The following CTNNA3 variants were observed in gnomAD, a reference collection of about 807,000 sequenced individuals.
CTNNA3 encodes catenin alpha-3.
Under a neutral mutation model 95.7 loss-of-function variants are expected in CTNNA3, and 76 were observed. The ratio of observed to expected loss-of-function variants is 0.79; its 90% CI spans 0.66 to 0.96. CTNNA3 has a LOEUF of 0.96. CTNNA3 is among the 40% of genes least tolerant of loss of function. The pLI, the probability that CTNNA3 is intolerant of heterozygous loss-of-function variation, is 0.00. For missense variants in CTNNA3, 1,191 were observed against 1,089.8 expected, an observed-to-expected ratio of 1.09 and a Z score of -1.31; for synonymous variants, 431 against 374.4, an observed-to-expected ratio of 1.15 and a Z score of -1.74.
chr10:65,940,981 C>T (rs967527751), intron 17 of CTNNA3, among the ~76,000 whole-genome samples: 1 of 152,104 alleles, frequency 6.6e-6, no homozygotes, highest in African/African-American at 2.4e-5. Context: ...CACATTTAAT[C>T]CTGAAAATAA....
At chr10:67,742,521 T>C (rs574593938) in intron 1 of CTNNA3, among the ~76,000 whole-genome samples, 106 of 151,258 alleles carry the variant, frequency 7.0e-4, no homozygotes, top group African/African-American at 2.5e-3. Flanking sequence ...GGGAAATTTA[T>C]AGCACTAAAT....
intron 10 of CTNNA3, among the ~76,000 whole-genome samples, chr10:66,573,531 A>T (rs1017603904): frequency 3.3e-5 from 5 of 152,224 alleles, no homozygotes; most frequent in Non-Finnish European, 7.3e-5. Flanking sequence ...ACTGAAGTTC[A>T]ACAAAATCAT....
At chr10:66,644,154 G>A (rs1017778913) in intron 9 of CTNNA3, among the ~76,000 whole-genome samples, 3 of 151,684 alleles carry the variant, frequency 2.0e-5, no homozygotes, top group Non-Finnish European at 2.9e-5. Flanking sequence ...GCTACTTGGC[G>A]GGGTTAAGGT....
intron 4 of CTNNA3, among the ~76,000 whole-genome samples, chr10:67,532,977 T>A (rs1840379934): frequency 6.6e-6 from 1 of 152,112 alleles, no homozygotes; most frequent in Admixed American, 6.5e-5. Context: ...CCTGACCCAG[T>A]AAGCAGAAGC....
At chr10:66,854,582 T>C (rs1190116306) in intron 7 of CTNNA3, among the ~76,000 whole-genome samples, 2 of 151,856 alleles carry the variant, frequency 1.3e-5, no homozygotes, top group Non-Finnish European at 2.9e-5. Flanking sequence ...ACTGGGAAGA[T>C]CCAGGAGGAA....
chr10:66,432,293 A>G (rs1167770042), intron 11 of CTNNA3, among the ~76,000 whole-genome samples: 1 of 152,180 alleles, frequency 6.6e-6, no homozygotes, highest in Non-Finnish European at 1.5e-5. Context: ...ACATGAAACA[A>G]TACTTTTAGT....
intron 5 of CTNNA3, among the ~76,000 whole-genome samples, chr10:67,380,673 G>C (rs1335666153): frequency 6.6e-6 from 1 of 152,128 alleles, no homozygotes; most frequent in Non-Finnish European, 1.5e-5. Context: ...TGAGTACTAA[G>C]GGCAAATAGG....
chr10:66,077,562 C>T (rs2080592889), intron 14 of CTNNA3, among the ~76,000 whole-genome samples: 1 of 151,728 alleles, frequency 6.6e-6, no homozygotes, highest in Non-Finnish European at 1.5e-5. Context: ...TCATGACCTC[C>T]AGAAGTAATC....
chr10:67,501,928 G>T (rs968879591), intron 5 of CTNNA3, among the ~76,000 whole-genome samples: 1 of 152,048 alleles, frequency 6.6e-6, no homozygotes, highest in Non-Finnish European at 1.5e-5. Context: ...TGCCTCAGAG[G>T]AGTTTGTTAC....
intron 9 of CTNNA3, among the ~76,000 whole-genome samples, chr10:66,638,479 G>A (rs1454768717): frequency 6.6e-6 from 1 of 152,124 alleles, no homozygotes; most frequent in Non-Finnish European, 1.5e-5. Flanking sequence ...CTGGGCGGGG[G>A]CAGGCAATTA....
At chr10:67,324,282 A>G (rs371791147) in intron 5 of CTNNA3, among the ~76,000 whole-genome samples, 2 of 152,104 alleles carry the variant, frequency 1.3e-5, no homozygotes, top group East Asian at 3.9e-4. Context: ...GATTGGTGAG[A>G]GAAGGCATCC....
intron 11 of CTNNA3, among the ~76,000 whole-genome samples, chr10:66,466,422 T>A (rs1911303): frequency 6.6e-6 from 1 of 151,158 alleles, no homozygotes; most frequent in East Asian, 2.0e-4. Context: ...TATACTTTCA[T>A]CCCTGCAAGG....
rs905773697 is a variant in CTNNA3, at chr10:66,831,458, A to G, written c.1048-55934T>C. Among the ~76,000 whole-genome samples the G allele has an allele frequency of 9.2e-5, 14 of 152,180 alleles. No homozygotes were observed. The East Asian group carries it at 1.2e-3, about 13-fold the overall frequency. ...TATGCCCAATCCAAGCTTTCACTCC[A>G]CTAACTTTTAATCCACCCTTACCTC... On this transcript the variant is annotated intron_variant, in intron 7 of 17. Coordinates refer to ENST00000433211, the MANE Select transcript of CTNNA3 (RefSeq NM_013266.4).
At chr10:66,915,576 G>A (rs1846445334) in intron 7 of CTNNA3, among the ~76,000 whole-genome samples, 1 of 151,802 alleles carries the variant, frequency 6.6e-6, no homozygotes, top group Admixed American at 6.6e-5. Flanking sequence ...ATCCTGTTCT[G>A]GAAAATGGTG....
intron 7 of CTNNA3, among the ~76,000 whole-genome samples, chr10:66,796,835 T>C (rs891818100): frequency 6.6e-6 from 1 of 152,050 alleles, no homozygotes; most frequent in Non-Finnish European, 1.5e-5. Context: ...TTATAAGCCA[T>C]GTAACAAACT....
At chr10:67,675,002 T>C (rs1840509745) in intron 1 of CTNNA3, among the ~76,000 whole-genome samples, 2 of 152,158 alleles carry the variant, frequency 1.3e-5, no homozygotes. Context: ...CATTAATATC[T>C]ACCAATTTAA....
intron 9 of CTNNA3, among the ~76,000 whole-genome samples, chr10:66,713,285 C>T (rs931782287): frequency 2.0e-5 from 3 of 152,164 alleles, no homozygotes; most frequent in African/African-American, 7.2e-5. Flanking sequence ...CCTGCAATTG[C>T]CTCACTTCCC....
rs570364835 is a variant in CTNNA3 at position 65,978,003 on chromosome 10, C to T, written c.2265+10689G>A. Among the ~76,000 whole-genome samples the T allele has an allele frequency of 3.3e-5, 5 of 152,122 alleles. No homozygotes were observed. The South Asian group carries it at 1.0e-3, about 32-fold the overall frequency. On this transcript the variant is annotated intron_variant, in intron 16 of 17. Coordinates refer to ENST00000433211, the MANE Select transcript of CTNNA3 (RefSeq NM_013266.4). ...GGGCTCATTTCTTCACCTGTAATGC[C>T]TTGTTTCATCTTGCTCAGGATCACA...
At chr10:66,234,668 G>A (rs72797269) in intron 13 of CTNNA3, among the ~76,000 whole-genome samples, 17,536 of 152,156 alleles carry the variant, frequency 0.12, 1,080 homozygotes, top group Middle Eastern at 0.18. Context: ...AGTATCATGA[G>A]AATCAACTGT....
Sources: allele counts gnomAD v4.1 joint callset (sites outside exome capture counted in the v4.1 genomes callset), GRCh38; gene constraint gnomAD v4.1.1; transcripts MANE v1.5; gene names NCBI Gene and HGNC (gene_info 2026-07-23, HGNC 2026-07-21).